SGCG: variants seen among roughly 807,000 people sequenced by gnomAD.
SGCG encodes the protein gamma-sarcoglycan.
SGCG carries 26 observed loss-of-function variants against 29.3 expected under a neutral mutation model. That is an observed-to-expected ratio of 0.89 (90% CI 0.65 to 1.23). The LOEUF (loss-of-function observed/expected upper bound fraction) is 1.23, where lower values mean the gene tolerates loss of function less well. Ranked by LOEUF, SGCG falls within the 50% of genes most tolerant of loss-of-function variation. The pLI, the probability that SGCG is intolerant of heterozygous loss-of-function variation, is 0.00. For missense variants in SGCG, 353 were observed against 356.0 expected, an observed-to-expected ratio of 0.99 and a Z score of 0.07; for synonymous variants, 145 against 129.7, an observed-to-expected ratio of 1.12 and a Z score of -0.80.
Position 23,324,958 on chromosome 13 carries a change from C to T in SGCG, c.*417C>T, listed in dbSNP as rs754059266. 15 of 260,114 alleles carry T rather than the reference C, an allele frequency of 5.8e-5. No homozygotes were observed. Among genetic ancestry groups the T allele is most frequent in the Admixed American group, 2.8e-4 (6 of 21,282 alleles). The allele number at this position is 260,114 out of a possible 1,614,324, so 16.1% of individuals were successfully genotyped here. On this transcript the variant is annotated 3_prime_UTR_variant, in exon 8 of 8. Coordinates refer to ENST00000218867, the MANE Select transcript of SGCG (RefSeq NM_000231.3). Reference sequence around the variant, plus strand: ...CTCAGTACTAAAATGCCCCAAAGTTCTATACAGCATTTCCTTTATAGCATT... The same window carrying T: ...CTCAGTACTAAAATGCCCCAAAGTTTTATACAGCATTTCCTTTATAGCATT...
At chr13:23,170,949 G>A in the SGCG span, among the ~76,000 whole-genome samples, 5 of 152,274 alleles carry the variant, frequency 3.3e-5, no homozygotes, top group Admixed American at 6.5e-5. Context: ...CCATGATGTC[G>A]ATTTGAAAGC....
intron 6 of SGCG, among the ~76,000 whole-genome samples, chr13:23,301,696 G>C (rs1365099270): frequency 2.0e-5 from 3 of 152,130 alleles, no homozygotes; most frequent in African/African-American, 4.8e-5. Flanking sequence ...AGACCAGCCT[G>C]GCCAACATGG....
chr13:23,287,808 G>A (rs911423172), intron 5 of SGCG, among the ~76,000 whole-genome samples: 19 of 152,216 alleles, frequency 1.2e-4, no homozygotes, highest in African/African-American at 4.3e-4. Context: ...CAGGCTGGGT[G>A]TAGTGGCACG....
rs1366637455 is a variant in SGCG, at chr13:23,325,049, T to A, written c.*508T>A. On this transcript the variant is annotated 3_prime_UTR_variant, in exon 8 of 8. Transcript: ENST00000218867. Reference sequence around the variant, plus strand: ...AGGTTTCACAAGAAAATTTTCAAGTTTTGAAGGGAATTTGAGGTTGATCTG... The same window carrying A: ...AGGTTTCACAAGAAAATTTTCAAGTATTGAAGGGAATTTGAGGTTGATCTG... The A allele has an allele frequency of 6.0e-6, 1 of 167,814 alleles. No homozygotes were observed. The highest frequency in any genetic ancestry group is 1.6e-4 in the East Asian group (1 of 6,228). 10.4% of individuals were successfully genotyped at this position (167,814 alleles called of 1,614,324 possible).
the SGCG span, among the ~76,000 whole-genome samples, chr13:23,161,206 C>CAT: frequency 1.3e-5 from 2 of 152,168 alleles, no homozygotes; most frequent in Non-Finnish European, 2.9e-5. Context: ...CCTCACCACC[C>CAT]TTATACTCAT....
chr13:23,203,468 A>G (rs185444376), intron 1 of SGCG, among the ~76,000 whole-genome samples: 5 of 152,252 alleles, frequency 3.3e-5, no homozygotes, highest in Non-Finnish European at 5.9e-5. Flanking sequence ...TTTATCATAT[A>G]TAAAATATTT....
chr13:23,239,331 G>A (rs991499565), intron 3 of SGCG, among the ~76,000 whole-genome samples: 1 of 152,082 alleles, frequency 6.6e-6, no homozygotes, highest in African/African-American at 2.4e-5. Flanking sequence ...CGACTTTAAA[G>A]TACTAAAAGA....
the SGCG span, among the ~76,000 whole-genome samples, chr13:23,167,734 T>C: frequency 7.3e-5 from 11 of 151,634 alleles, no homozygotes; most frequent in Non-Finnish European, 1.2e-4. Context: ...TTTTGCCCTT[T>C]TTTTTTTTTC....
At chr13:23,176,124 A>G (rs950660500), upstream of SGCG, among the ~76,000 whole-genome samples, 1 of 152,162 alleles carries the variant, frequency 6.6e-6, no homozygotes, top group African/African-American at 2.4e-5. Context: ...CCCAAAACCA[A>G]ACTTTTATTA....
intron 5 of SGCG, among the ~76,000 whole-genome samples, chr13:23,295,065 A>T (rs34630285): frequency 0.087 from 13,186 of 152,272 alleles, 651 homozygotes; most frequent in South Asian, 0.13. Context: ...CTAGAGAATT[A>T]GTTAAATTAC....
At chr13:23,183,530 T>C (rs598656) in intron 1 of SGCG, among the ~76,000 whole-genome samples, 151,251 of 152,238 alleles carry the variant, frequency 0.99, 75,143 homozygotes, top group East Asian at 1. Context: ...CTGGCATTCC[T>C]GGTGGCTGCC....
chr13:23,183,750 A>C (rs515922), intron 1 of SGCG, among the ~76,000 whole-genome samples: 110,068 of 152,024 alleles, frequency 0.72, 40,102 homozygotes, highest in East Asian at 0.94. Flanking sequence ...CTCACTGCAA[A>C]CTCACCTCCC....
intron 2 of SGCG, among the ~76,000 whole-genome samples, chr13:23,214,895 T>A (rs766895882): frequency 2.6e-5 from 4 of 152,204 alleles, no homozygotes; most frequent in Non-Finnish European, 4.4e-5. Context: ...TTATTAGGAC[T>A]GAGTTTGGAG....
intron 3 of SGCG, chr13:23,244,153 A>G (rs554128071): frequency 6.6e-6 from 1 of 152,360 alleles, no homozygotes; most frequent in African/African-American, 2.4e-5. Flanking sequence ...TTGTGTATAT[A>G]AAAACAAGCA....
chr13:23,225,081 A>G (rs1269583370), intron 2 of SGCG, among the ~76,000 whole-genome samples: 1 of 152,128 alleles, frequency 6.6e-6, no homozygotes, highest in Non-Finnish European at 1.5e-5. Flanking sequence ...CAGCTGGTGT[A>G]AATACTCATG....
the SGCG span, among the ~76,000 whole-genome samples, chr13:23,171,245 A>G: frequency 6.6e-6 from 1 of 152,214 alleles, no homozygotes; most frequent in South Asian, 2.1e-4. Flanking sequence ...GTATTTTACT[A>G]CATGTCAGAC....
chr13:23,209,029 T>C (rs1359376957), intron 2 of SGCG, among the ~76,000 whole-genome samples: 1 of 152,120 alleles, frequency 6.6e-6, no homozygotes, highest in African/African-American at 2.4e-5. Flanking sequence ...TAACTTTAGG[T>C]TATCATGAAG....
At chr13:23,164,653 G>C in the SGCG span, among the ~76,000 whole-genome samples, 4 of 152,176 alleles carry the variant, frequency 2.6e-5, no homozygotes, top group African/African-American at 9.7e-5. Flanking sequence ...GGCCTGTGCA[G>C]AGATCATTCG....
chr13:23,275,839 TC>T (rs1178114728), intron 4 of SGCG, among the ~76,000 whole-genome samples: 1 of 152,178 alleles, frequency 6.6e-6, no homozygotes, highest in Non-Finnish European at 1.5e-5. Context: ...AATATACGTT[TC>T]CTTTTTTTAA....
Sources: allele counts gnomAD v4.1 joint callset (sites outside exome capture counted in the v4.1 genomes callset), GRCh38; gene constraint gnomAD v4.1.1; transcripts MANE v1.5; gene names NCBI Gene and HGNC (gene_info 2026-07-23, HGNC 2026-07-21).